RAD51D: variants seen among roughly 807,000 people sequenced by gnomAD.
RAD51D encodes the protein DNA repair protein RAD51 homolog 4.
In RAD51D, 38 loss-of-function variants were observed where a neutral mutation model predicts 44.1. The observed-to-expected ratio is 0.86, with a 90% CI of 0.67 to 1.13. The LOEUF (loss-of-function observed/expected upper bound fraction) is 1.13. Ranked by LOEUF, RAD51D falls within the 50% of genes most tolerant of loss-of-function variation. RAD51D has a pLI of 0.00. For missense variants in RAD51D, 390 were observed against 414.0 expected, an observed-to-expected ratio of 0.94 and a Z score of 0.50; for synonymous variants, 141 against 166.6, an observed-to-expected ratio of 0.85 and a Z score of 1.18.
rs1057522424 is a variant in RAD51D at position 35,107,435 on chromosome 17, C to T, written c.276G>A (p.Leu92=). 1 of 1,554,196 alleles carries T rather than the reference C, an allele frequency of 6.4e-7. No homozygotes were observed. The highest frequency in any genetic ancestry group is 1.1e-5 in the South Asian group (1 of 89,790). ...LSTGIGSLDK[L]LDAGLYTGEV... is the part of the protein sequence containing the mutation. ...CTCCAGTATAGAGACCAGCATCAAG[C>T]AGTTTATCAAGACTGATGGCAGAAG... Residue 92 remains leucine, a synonymous_variant, in exon 4 of 10, where the codon CTG becomes CTA. Transcript: ENST00000345365.
intron 3 of RAD51D, chr17:35,115,364 C>T: frequency 2.0e-6 from 1 of 489,844 alleles, no homozygotes; most frequent in Non-Finnish European, 4.1e-6. Flanking sequence ...TAATCAATCT[C>T]CCTCATCAAC....
chr17:35,113,694 T>G (rs2091704097), intron 3 of RAD51D: 12 of 245,724 alleles, frequency 4.9e-5, no homozygotes, highest in South Asian at 4.3e-4. Context: ...CATCTCTGTT[T>G]AATAAGTATC....
intron 3 of RAD51D, among the ~76,000 whole-genome samples, chr17:35,113,309 A>G (rs8075740): frequency 0.66 from 100,152 of 151,934 alleles, 34,592 homozygotes; most frequent in African/African-American, 0.86. Flanking sequence ...TCGCTCTGTC[A>G]CCAGGCTGGA....
At chr17:35,114,783 G>A (rs891453540) in intron 3 of RAD51D, among the ~76,000 whole-genome samples, 6 of 152,188 alleles carry the variant, frequency 3.9e-5, no homozygotes, top group African/African-American at 1.4e-4. Flanking sequence ...CTTGGACTTC[G>A]TAATGTTTAA....
At chr17:35,111,201 A>G (rs1290933523) in intron 3 of RAD51D, among the ~76,000 whole-genome samples, 1 of 151,894 alleles carries the variant, frequency 6.6e-6, no homozygotes, top group Middle Eastern at 3.2e-3. Flanking sequence ...CAACATGGAG[A>G]AACCCCGTCT....
At chr17:35,115,927 G>GAAAAT (rs1191636636) in intron 3 of RAD51D, among the ~76,000 whole-genome samples, 1 of 100,436 alleles carries the variant, frequency 1.0e-5, no homozygotes, top group Non-Finnish European at 2.0e-5. Context: ...AAGGAAGGAA[G>GAAAAT]GAAGGAAGGA....
At chr17:35,116,551 G>GT (rs1300783151) in intron 3 of RAD51D, among the ~76,000 whole-genome samples, 1 of 152,160 alleles carries the variant, frequency 6.6e-6, no homozygotes, top group East Asian at 1.9e-4. Flanking sequence ...CTGGAGTGCA[G>GT]TGGTGCGATC....
chr17:35,111,285 C>T (rs976037416), intron 3 of RAD51D, among the ~76,000 whole-genome samples: 2 of 147,926 alleles, frequency 1.4e-5, no homozygotes, highest in East Asian at 2.0e-4. Context: ...ACCCGGGAGG[C>T]GGAGGTTGCG....
At chr17:35,115,940 A>AAGGAAGG (rs1198134777) in intron 3 of RAD51D, among the ~76,000 whole-genome samples, 173 of 109,492 alleles carry the variant, frequency 1.6e-3, no homozygotes, top group Non-Finnish European at 2.2e-3. Flanking sequence ...AGGAAGGAAG[A>AAGGAAGG]AAGAAAAGGA....
chr17:35,103,405 G>A lies in RAD51D; in HGVS notation c.667+49C>T, dbSNP rs1375839888. 1.2e-6 allele frequency: 2 copies of A among 1,609,104 alleles called. No individual in the cohort carries two copies. Among genetic ancestry groups the A allele is most frequent in the Non-Finnish European group, 1.7e-6 (2 of 1,175,518 alleles). On this transcript the variant is annotated intron_variant, in intron 7 of 9. Coordinates refer to ENST00000345365, the MANE Select transcript of RAD51D (RefSeq NM_002878.4). The surrounding 1 kb of genome is among the most constrained non-coding windows in gnomAD (Gnocchi z 4.1). ...GGCCAGAGACCAGACTCCAGAGCTG[G>A]GAGGCGAGGTCACATTCCACTGGCC...
intron 5 of RAD51D, among the ~76,000 whole-genome samples, chr17:35,106,692 A>G (rs559813201): frequency 1.3e-5 from 2 of 152,280 alleles, no homozygotes; most frequent in South Asian, 4.1e-4. Flanking sequence ...GATATGACTG[A>G]TTAGTGATGT....
Position 35,093,154 on chromosome 17 carries a change from A to G in RAD51D, c.*7799T>C, listed in dbSNP as rs1466019152. ...ATTCATAATATGAGATTGAGTGCCT[A>G]TATCATGCCTGGAAAACTATTCAGT... On this transcript the variant is annotated 3_prime_UTR_variant, in exon 10 of 10. Transcript: ENST00000345365. 1 of 152,222 alleles carries G rather than the reference A, an allele frequency of 6.6e-6. No homozygotes were observed. Among genetic ancestry groups the G allele is most frequent in the African/African-American group, 2.4e-5 (1 of 41,452 alleles). The allele number at this position is 152,222 out of a possible 1,614,324, so 9.4% of individuals were successfully genotyped here.
intron 3 of RAD51D, 75 bp from the exon 4 acceptor site, chr17:35,107,522 T>G: frequency 8.3e-7 from 1 of 1,211,880 alleles, no homozygotes; most frequent in South Asian, 1.2e-5. Context: ...AGAAGAAAAG[T>G]AAGACATTTC....
chr17:35,101,255 T>G lies in RAD51D; in HGVS notation c.849A>C (p.Gly283=), dbSNP rs766847072. Residue 283 remains glycine, a synonymous_variant, in exon 9 of 10, where the codon GGA becomes GGC. Transcript: ENST00000345365. ...STRILLDTIE[G]AGASGGRRMA... ...TGCGCCGGCCGCCTGATGCTCCTGC[T>G]CCCTCGATGGTGTCCAGGAGAATCC... 6.8e-6 allele frequency: 11 copies of G among 1,614,146 alleles called. No individual in the cohort carries two copies. In the Middle Eastern group the frequency reaches 4.9e-4, roughly 73 times the overall value.
At chr17:35,102,960 C>A (rs1283004211) in intron 8 of RAD51D, among the ~76,000 whole-genome samples, 1 of 152,130 alleles carries the variant, frequency 6.6e-6, no homozygotes, top group East Asian at 1.9e-4. Flanking sequence ...CTGGATACAA[C>A]TATATCCATT....
At chr17:35,109,661 T>C (rs1375180442) in intron 3 of RAD51D, among the ~76,000 whole-genome samples, 1 of 152,132 alleles carries the variant, frequency 6.6e-6, no homozygotes, top group African/African-American at 2.4e-5. Context: ...TAATAGTTAA[T>C]AGTGTTGAAC....
intron 6 of RAD51D, chr17:35,104,707 T>A (rs1004979362): frequency 5.3e-5 from 8 of 152,214 alleles, no homozygotes; most frequent in African/African-American, 1.9e-4. Flanking sequence ...TAACCATAAT[T>A]TTCTGTCTTT....
chr17:35,116,924 A>G (rs2091756472), intron 3 of RAD51D: 5 of 1,611,398 alleles, frequency 3.1e-6, no homozygotes, highest in South Asian at 1.1e-5. Context: ...CTGTTCCTCC[A>G]TGCCCAAGTC....
intron 3 of RAD51D, among the ~76,000 whole-genome samples, chr17:35,117,521 G>A (rs1370632615): frequency 2.6e-5 from 4 of 152,052 alleles, no homozygotes; most frequent in African/African-American, 2.4e-5. Flanking sequence ...AGAGAGTCTC[G>A]CTCTGCCACC....
Sources: allele counts gnomAD v4.1 joint callset (sites outside exome capture counted in the v4.1 genomes callset), GRCh38; gene constraint gnomAD v4.1.1; non-coding constraint Gnocchi (gnomAD v3.1); transcripts MANE v1.5; gene names NCBI Gene and HGNC (gene_info 2026-07-23, HGNC 2026-07-21).